The following ZC3HC1 variants were observed in gnomAD, a reference collection of about 807,000 sequenced individuals.
ZC3HC1 encodes the protein zinc finger C3HC-type protein 1.
In ZC3HC1, 38 loss-of-function variants were observed where a neutral mutation model predicts 61.9. The observed-to-expected ratio is 0.61, with a 90% CI of 0.47 to 0.81. The LOEUF (loss-of-function observed/expected upper bound fraction) is 0.81, where lower values mean the gene tolerates loss of function less well. Ranked by LOEUF, ZC3HC1 falls within the 30% of genes least tolerant of loss-of-function variation. The pLI, the probability that ZC3HC1 is intolerant of heterozygous loss-of-function variation, is 0.00. For missense variants in ZC3HC1, 554 were observed against 622.7 expected (o/e 0.89, Z 1.17); for synonymous variants, 213 against 229.9 (o/e 0.93, Z 0.67).
intron 2 of ZC3HC1, among the ~76,000 whole-genome samples, chr7:130,042,665 A>G (rs1046538754): frequency 2.0e-5 from 3 of 152,108 alleles, no homozygotes; most frequent in Admixed American, 6.6e-5. Context: ...TTAATATTAA[A>G]TGCTCAGTTT....
At chr7:130,024,885 C>T (rs1464778871) in intron 6 of ZC3HC1, among the ~76,000 whole-genome samples, 1 of 142,004 alleles carries the variant, frequency 7.0e-6, no homozygotes, top group East Asian at 2.2e-4. Context: ...AAAAGTTTCT[C>T]CTGTCCCTCT....
In ZC3HC1 at chr7:130,018,509, A is replaced by G; in HGVS notation, c.*155T>C. On this transcript the variant is annotated 3_prime_UTR_variant, in exon 10 of 10. Coordinates refer to ENST00000358303, the MANE Select transcript of ZC3HC1 (RefSeq NM_016478.5). The stretch of plus-strand genomic sequence containing the variant: ...GGGTCTCTCTCAGCCAGATGCAGAT[A>G]GTTGACACTCACTGCCTTTGCTATG... 1.6e-6 allele frequency: 1 copy of G among 624,086 alleles called. No individual in the cohort carries two copies. The highest frequency in any genetic ancestry group is 2.6e-5 in the East Asian group (1 of 38,166). The allele number at this position is 624,086 out of a possible 1,614,324, so 38.7% of individuals were successfully genotyped here.
intron 2 of ZC3HC1, among the ~76,000 whole-genome samples, chr7:130,041,771 C>T (rs1283866266): frequency 6.6e-6 from 1 of 152,074 alleles, no homozygotes; most frequent in East Asian, 1.9e-4. Flanking sequence ...TCGTGATCCA[C>T]CCACCTCGGC....
At chr7:130,044,347 A>G (rs1439347833) in intron 2 of ZC3HC1, among the ~76,000 whole-genome samples, 1 of 152,106 alleles carries the variant, frequency 6.6e-6, no homozygotes, top group East Asian at 1.9e-4. Context: ...AACATTCTCC[A>G]CTGAAAAACA....
At chr7:130,020,880 A>T (rs1213708500) in intron 9 of ZC3HC1, among the ~76,000 whole-genome samples, 1 of 151,960 alleles carries the variant, frequency 6.6e-6, no homozygotes, top group Non-Finnish European at 1.5e-5. Context: ...CTGCATATTT[A>T]CTAAGGGTAC....
chr7:130,031,947 C>G (rs142497044), intron 4 of ZC3HC1, among the ~76,000 whole-genome samples: 1 of 152,142 alleles, frequency 6.6e-6, no homozygotes, highest in Non-Finnish European at 1.5e-5. Context: ...ATTTTGAGGC[C>G]GGGCACAGTG....
intron 6 of ZC3HC1, among the ~76,000 whole-genome samples, chr7:130,025,870 C>CAAAAAA (rs71175064): frequency 1.4e-4 from 8 of 58,540 alleles, no homozygotes; most frequent in South Asian, 8.3e-4. Context: ...GACTCCGTCT[C>CAAAAAA]AAAAAAAAAA....
At chr7:130,035,472 C>T (rs949090308) in intron 4 of ZC3HC1, among the ~76,000 whole-genome samples, 2 of 150,246 alleles carry the variant, frequency 1.3e-5, no homozygotes, top group Non-Finnish European at 3.0e-5. Flanking sequence ...ACCTGGGAGG[C>T]GGAGGTTGCA....
chr7:130,045,480 C>T (rs1305711896), intron 2 of ZC3HC1: 1 of 457,430 alleles, frequency 2.2e-6, no homozygotes, highest in South Asian at 1.5e-5. Context: ...GCTTCACAAC[C>T]TCTATGGTCT....
chr7:130,024,835 G>C (rs1328678212), intron 6 of ZC3HC1, among the ~76,000 whole-genome samples: 2 of 146,248 alleles, frequency 1.4e-5, no homozygotes, highest in Non-Finnish European at 3.0e-5. Flanking sequence ...CCTGAGGTCA[G>C]GAGTTCGAGA....
At chr7:130,025,605 AC>A (rs1793862638) in intron 6 of ZC3HC1, among the ~76,000 whole-genome samples, 1 of 152,040 alleles carries the variant, frequency 6.6e-6, no homozygotes. Context: ...GTGGTGGCTC[AC>A]GCCTGTAATC....
intron 9 of ZC3HC1, among the ~76,000 whole-genome samples, chr7:130,019,835 T>TTTTTG (rs1793557839): frequency 6.9e-6 from 1 of 145,466 alleles, no homozygotes; most frequent in Admixed American, 6.9e-5. Flanking sequence ...TTTTTTTTTT[T>TTTTTG]GAGACAGGTC....
intron 2 of ZC3HC1, among the ~76,000 whole-genome samples, chr7:130,042,058 A>G (rs1306719082): frequency 2.0e-5 from 3 of 152,050 alleles, no homozygotes; most frequent in African/African-American, 7.2e-5. Flanking sequence ...ATCTCAGCAC[A>G]TTGGGAGGCT....
chr7:130,024,492 G>A lies in ZC3HC1; in HGVS notation c.791C>T (p.Ser264Phe). ...ACATGTTATCAGGGAGAGCTGCATG[G>A]ATTCCAAAGAGGAACTAGATAGGAA... ...CGWACSSSLE[S>F]MQLSLITCSQ... The change falls in exon 7 of 10, where the codon TCC becomes TTC. Residue 264 changes from serine to phenylalanine, a missense_variant. By Grantham distance (155) the Ser-to-Phe change is radical (BLOSUM62 -2). Transcript: ENST00000358303. 6.2e-7 allele frequency: 1 copy of A among 1,608,144 alleles called. No homozygotes were observed. Among genetic ancestry groups the A allele is most frequent in the South Asian group, 1.1e-5 (1 of 90,030 alleles).
Position 130,047,638 on chromosome 7 carries a change from TACACACACACACACAC to T in ZC3HC1, c.258+1379_258+1394del, listed in dbSNP as rs34052360. Among the ~76,000 whole-genome samples, 37 of 138,216 alleles carry T rather than the reference TACACACACACACACAC, an allele frequency of 2.7e-4. No homozygotes were observed. In the South Asian group the frequency reaches 4.5e-3, roughly 17 times the overall value. The allele number at this position is 138,216 out of a possible 152,430, so 90.7% of individuals were successfully genotyped here. ...CTGGGCAACATAGCAAGACTTTGTCTACACACACACACACACACACACACACACACACACACACACG... is the reference window on the plus strand; with the variant it reads ...CTGGGCAACATAGCAAGACTTTGTCTACACACACACACACACACACACACG... On this transcript the variant is annotated intron_variant, in intron 2 of 9. Coordinates refer to ENST00000358303, the MANE Select transcript of ZC3HC1 (RefSeq NM_016478.5).
chr7:130,023,673 A>G lies in ZC3HC1; in HGVS notation c.1071T>C (p.Ser357=). The G allele has an allele frequency of 6.2e-7, 1 of 1,614,244 alleles. No individual in the cohort carries two copies. The highest frequency in any genetic ancestry group is 8.5e-7 in the Non-Finnish European group (1 of 1,180,038). ...GCTCAGGACGGTCAACAGGACTGGA[A>G]GAGTCCCAGCTCCGAGTTCGAGAGA... is the stretch of plus-strand genomic sequence containing the variant. ...PIVSRTRSWD[S]SSPVDRPEPE... Residue 357 remains serine (S), a synonymous_variant, in exon 8 of 10, where the codon TCT becomes TCC. Transcript: ENST00000358303. The surrounding 1 kb of genome is among the most constrained non-coding windows in gnomAD (Gnocchi z 4.2).
At chr7:130,051,429 G>T, upstream of ZC3HC1, 1 of 1,601,478 alleles carries the variant, frequency 6.2e-7, no homozygotes, top group Non-Finnish European at 8.5e-7. Flanking sequence ...CGTCCTGGGA[G>T]GTTAATATCC....
chr7:130,038,790 G>A (rs553947223), intron 4 of ZC3HC1, among the ~76,000 whole-genome samples: 37 of 150,152 alleles, frequency 2.5e-4, no homozygotes, highest in African/African-American at 7.1e-4. Context: ...AACCTCGGAG[G>A]TGGAGGCTGC....
intron 4 of ZC3HC1, among the ~76,000 whole-genome samples, chr7:130,032,080 C>T (rs1413816221): frequency 6.6e-6 from 1 of 152,026 alleles, no homozygotes. Flanking sequence ...AAAAATTAGC[C>T]AGGCATGGTG....
Sources: allele counts gnomAD v4.1 joint callset (sites outside exome capture counted in the v4.1 genomes callset), GRCh38; gene constraint gnomAD v4.1.1; non-coding constraint Gnocchi (gnomAD v3.1); transcripts MANE v1.5; gene names NCBI Gene and HGNC (gene_info 2026-07-23, HGNC 2026-07-21).